The following OPRM1 variants were observed in gnomAD, a reference collection of about 807,000 sequenced individuals.
The protein encoded by OPRM1 is opioid receptor mu 1, also known as mu-type opioid receptor.
Under a neutral mutation model 31.8 loss-of-function variants are expected in OPRM1, and 27 were observed. That is an observed-to-expected ratio of 0.85 (90% confidence interval 0.63 to 1.17). The LOEUF is 1.17. OPRM1 is among the 50% of genes most tolerant of loss of function. The probability of loss-of-function intolerance (pLI) is 0.00; values close to 1 mark genes in which losing one functional copy is unlikely to be tolerated. For missense variants in OPRM1, 536 were observed against 511.1 expected (o/e 1.05, Z -0.47); for synonymous variants, 196 against 189.9 (o/e 1.03, Z -0.26).
At chr6:154,135,817 G>C (rs1226237212), downstream of OPRM1, among the ~76,000 whole-genome samples, 1 of 152,200 alleles carries the variant, frequency 6.6e-6, no homozygotes, top group Non-Finnish European at 1.5e-5. Context: ...TCCCAGCAGT[G>C]CCAAAGCTGC....
intron 2 of OPRM1, among the ~76,000 whole-genome samples, chr6:154,090,575 T>A (rs17181199): frequency 0.011 from 1,671 of 152,156 alleles, 28 homozygotes; most frequent in African/African-American, 0.039. Flanking sequence ...TATTGAACAA[T>A]CCATCAAAAA....
rs372871802 is a variant in OPRM1 at position 154,195,229 on chromosome 6, T to G, written c.1165-51464T>G. On this transcript the variant is annotated intron_variant, in intron 3 of 3. Transcript: ENST00000337049. The stretch of plus-strand genomic sequence containing the variant: ...GTGGCACGATCTCGGCTCACTGCAA[T>G]CTCCGCCTCCAGGGTTCACACCATT... Among the ~76,000 whole-genome samples, 873 of 145,420 alleles carry G rather than the reference T, an allele frequency of 6.0e-3. 7 individuals carry two copies. Among genetic ancestry groups the G allele is most frequent in the African/African-American group, 0.02 (801 of 39,292 alleles).
chr6:154,235,073 A>G (rs1198540446), intron 3 of OPRM1, among the ~76,000 whole-genome samples: 1 of 152,262 alleles, frequency 6.6e-6, no homozygotes, highest in Non-Finnish European at 1.5e-5. Flanking sequence ...TAAATGAATC[A>G]GAAGAAATTT....
At chr6:154,109,507 A>G (rs532248602) in intron 3 of OPRM1, among the ~76,000 whole-genome samples, 1 of 152,302 alleles carries the variant, frequency 6.6e-6, no homozygotes, top group East Asian at 1.9e-4. Flanking sequence ...TGCCTACATG[A>G]AAAGGACACT....
chr6:154,089,935 A>G lies in OPRM1; in HGVS notation c.400A>G (p.Thr134Ala). 6.2e-7 allele frequency: 1 copy of G among 1,614,038 alleles called. No individual in the cohort carries two copies. Among genetic ancestry groups the G allele is most frequent in the Non-Finnish European group, 8.5e-7 (1 of 1,179,882 alleles). ...CCAGAGTGTGAATTACCTAATGGGA[A>G]CATGGCCATTTGGAACCATCCTTTG... is the stretch of plus-strand genomic sequence containing the variant. ...PFQSVNYLMG[T>A]WPFGTILCKI... The change falls in exon 2 of 4, where the codon ACA (threonine) becomes GCA (alanine). Residue 134 changes from threonine to alanine, a missense_variant. Transcript: ENST00000330432.
At chr6:154,060,968 A>G (rs1784278227) in intron 1 of OPRM1, among the ~76,000 whole-genome samples, 1 of 152,192 alleles carries the variant, frequency 6.6e-6, no homozygotes, top group African/African-American at 2.4e-5. Context: ...GCAGAAATAC[A>G]CTGGTAATAA....
intron 3 of OPRM1, among the ~76,000 whole-genome samples, chr6:154,153,411 C>T (rs959606034): frequency 7.2e-5 from 11 of 152,150 alleles, no homozygotes; most frequent in Admixed American, 1.3e-4. Context: ...CGGCCAGGAC[C>T]GGTGGCTTAC....
intron 1 of OPRM1, among the ~76,000 whole-genome samples, chr6:154,054,367 CAAAAA>C (rs1194794442): frequency 7.5e-5 from 4 of 53,058 alleles, no homozygotes; most frequent in African/African-American, 1.2e-4. Flanking sequence ...GACTCCGTCT[CAAAAA>C]AAAAAAAAAA....
chr6:154,093,541 G>A, intron 3 of OPRM1: 1 of 1,549,624 alleles, frequency 6.5e-7, no homozygotes, highest in Non-Finnish European at 8.7e-7. Context: ...CCAGATAGAA[G>A]AGAAAAGAAG....
chr6:154,061,881 A>G (rs1482449055), intron 1 of OPRM1, among the ~76,000 whole-genome samples: 1 of 152,176 alleles, frequency 6.6e-6, no homozygotes, highest in African/African-American at 2.4e-5. Flanking sequence ...GACACTAAGA[A>G]GATTTTATGG....
intron 3 of OPRM1, among the ~76,000 whole-genome samples, chr6:154,145,688 G>T (rs775324512): frequency 1.3e-5 from 2 of 152,214 alleles, no homozygotes; most frequent in Non-Finnish European, 2.9e-5. Context: ...TTTTGAAAAA[G>T]AAGAATAAAT....
chr6:154,019,182 C>CTTTTT (rs34786795), intron 1 of OPRM1, among the ~76,000 whole-genome samples: 1 of 126,914 alleles, frequency 7.9e-6, no homozygotes, highest in African/African-American at 2.9e-5. Flanking sequence ...CCCTGTTGTG[C>CTTTTT]TTTTTTTTTT....
At chr6:154,200,031 G>C (rs919180455) in intron 3 of OPRM1, 3 of 1,605,358 alleles carry the variant, frequency 1.9e-6, no homozygotes, top group Non-Finnish European at 1.7e-6. Context: ...GAAGATGCCT[G>C]CTGTGCAGTC....
intron 3 of OPRM1, among the ~76,000 whole-genome samples, chr6:154,188,071 C>A (rs1344463048): frequency 2.0e-5 from 3 of 152,010 alleles, no homozygotes; most frequent in African/African-American, 7.2e-5. Context: ...AGGAAAAAAG[C>A]AAAACCATTA....
Position 154,122,076 on chromosome 6 carries a change from A to G in OPRM1, c.*3355A>G, listed in dbSNP as rs571383727. 2.0e-5 allele frequency among the ~76,000 whole-genome samples: 3 copies of G among 152,322 alleles called. No homozygotes were observed. The highest frequency in any genetic ancestry group is 4.4e-5 in the Non-Finnish European group (3 of 68,028). On this transcript the variant is annotated 3_prime_UTR_variant, in exon 4 of 4. Coordinates refer to ENST00000330432, the MANE Select transcript of OPRM1 (RefSeq NM_000914.5). The stretch of plus-strand genomic sequence containing the variant: ...CTGATACTATCCGTTGTGGTTTTAC[A>G]AATTCTAGAGGGTTCTAGCCAAAGC...
At chr6:154,200,120 C>A in intron 3 of OPRM1, 2 of 1,285,748 alleles carry the variant, frequency 1.6e-6, no homozygotes, top group South Asian at 1.5e-5. Context: ...TATTTTCAAT[C>A]ACGGTGTCCC....
rs113350337 is a variant in OPRM1, at chr6:154,131,664, C to T, written c.*12943C>T. Among the ~76,000 whole-genome samples the T allele has an allele frequency of 0.01, 1,598 of 152,270 alleles. 37 individuals are homozygous for T. Among genetic ancestry groups the T allele is most frequent in the African/African-American group, 0.035 (1,467 of 41,570 alleles). On this transcript the variant is annotated 3_prime_UTR_variant, in exon 4 of 4. Transcript: ENST00000330432. ...AAAGTATAGAATAGTTTCTGTTTTA[C>T]GGATTTTGTATCCAAGTAAATGAAA...
At chr6:154,231,230 T>C (rs949474800) in intron 3 of OPRM1, among the ~76,000 whole-genome samples, 1 of 151,518 alleles carries the variant, frequency 6.6e-6, no homozygotes, top group African/African-American at 2.5e-5. Flanking sequence ...TAAAAGGAGA[T>C]TGAAGAAAAG....
intron 1 of OPRM1, among the ~76,000 whole-genome samples, chr6:154,040,595 G>A (rs969006563): frequency 6.6e-6 from 1 of 152,186 alleles, no homozygotes; most frequent in Admixed American, 6.5e-5. Flanking sequence ...GGTTGGTTCA[G>A]GAGAACCGCA....
Sources: gnomAD v4.1 joint callset for allele counts (sites outside exome capture counted in the v4.1 genomes callset) on GRCh38, gnomAD v4.1.1 for gene constraint, MANE v1.5 for transcripts, NCBI Gene and HGNC (gene_info 2026-07-23, HGNC 2026-07-21) for gene names.